Variants in DLEC1 observed in about 807,000 individuals in gnomAD.
The protein encoded by DLEC1 is deleted in lung and esophageal cancer protein 1.
A neutral mutation model predicts 198.1 loss-of-function variants in DLEC1; 146 were observed. The observed-to-expected ratio is 0.74, with a 90% CI of 0.64 to 0.85. The LOEUF is 0.85. Ranked by LOEUF, DLEC1 falls within the 40% of genes least tolerant of loss-of-function variation. The pLI, the probability that DLEC1 is intolerant of heterozygous loss-of-function variation, is 0.00. For synonymous variants in DLEC1, 897 were observed against 866.8 expected (o/e 1.03, Z -0.61); for missense variants, 2,233 against 2,220.0 (o/e 1.01, Z -0.12).
In DLEC1 at chr3:38,121,623, C is replaced by T. The variant is rs1368391932; in HGVS notation, c.4867-5C>T. The T allele has an allele frequency of 1.9e-6, 3 of 1,612,508 alleles. No individual in the cohort carries two copies. The highest frequency in any genetic ancestry group is 1.7e-5 in the Admixed American group (1 of 59,934). On this transcript the variant is annotated splice_polypyrimidine_tract_variant and splice_region_variant and intron_variant, in intron 34 of 36. Transcript: ENST00000308059. ...GAATGGACAAGGTTGCCTGGTCTCC[C>T]ACAGGTGGTGCCCCTGCGGGCTGTG...
intron 19 of DLEC1, among the ~76,000 whole-genome samples, chr3:38,100,733 C>T (rs1303691688): frequency 6.6e-6 from 1 of 152,190 alleles, no homozygotes; most frequent in Non-Finnish European, 1.5e-5. Flanking sequence ...TCTGAGTATA[C>T]TCCCAGGGAA....
chr3:38,120,529 A>G lies in DLEC1; in HGVS notation c.4786A>G (p.Ile1596Val), dbSNP rs1700393706. ...PADQTLPGVD[I>V]QQSASGEREM... ...TGACCAGACACTGCCTGGGGTGGAC[A>G]TTCAGCAGAGTGCGAGTGGAGAGAG... Residue 1596 changes from isoleucine (I) to valine (V), a missense_variant, in exon 34 of 37, where the codon ATT (isoleucine) becomes GTT (valine). Ile to Val is a conservative substitution (Grantham distance 29). Coordinates refer to ENST00000308059, the MANE Select transcript of DLEC1 (RefSeq NM_007335.4). The G allele has an allele frequency of 6.2e-7, 1 of 1,614,220 alleles. No homozygotes were observed. Among genetic ancestry groups the G allele is most frequent in the Non-Finnish European group, 8.5e-7 (1 of 1,180,020 alleles).
chr3:38,090,748 G>A (rs760652091), intron 10 of DLEC1, among the ~76,000 whole-genome samples: 1 of 152,174 alleles, frequency 6.6e-6, no homozygotes. Context: ...ATGTAAGGGT[G>A]TCTGTTTCTT....
intron 2 of DLEC1, among the ~76,000 whole-genome samples, chr3:38,051,319 C>T (rs933193064): frequency 5.3e-5 from 8 of 152,228 alleles, no homozygotes; most frequent in African/African-American, 1.2e-4. Flanking sequence ...GCGGCAGTGG[C>T]GCAGAGGCCT....
rs1170824943 is a variant in DLEC1 at position 38,117,849 on chromosome 3, A to G, written c.4529A>G (p.Asn1510Ser). The G allele has an allele frequency of 6.2e-6, 10 of 1,613,944 alleles. No homozygotes were observed. Among genetic ancestry groups the G allele is most frequent in the South Asian group, 1.1e-5 (1 of 91,084 alleles). ...ACCACCCACCACCTGAAGCTGACCA[A>G]CACTACAGAGATCCCACACTACTTC... ...LVTTHHLKLTNTTEIPHYFRL... is the reference protein window; with the variant it reads ...LVTTHHLKLTSTTEIPHYFRL... Residue 1510 changes from asparagine (N) to serine (S), a missense_variant, in exon 33 of 37, where the codon AAC becomes AGC. Transcript: ENST00000308059.
intron 3 of DLEC1, among the ~76,000 whole-genome samples, chr3:38,061,806 C>T (rs1696702358): frequency 6.6e-6 from 1 of 152,062 alleles, no homozygotes; most frequent in African/African-American, 2.4e-5. Context: ...CATCTGGGAC[C>T]ACAGGCATGC....
At chr3:38,083,845 G>T (rs1420924097) in intron 6 of DLEC1, among the ~76,000 whole-genome samples, 4 of 151,360 alleles carry the variant, frequency 2.6e-5, no homozygotes, top group African/African-American at 9.7e-5. Context: ...GTCCAGGCAG[G>T]TCTCAAACTT....
intron 32 of DLEC1, 80 bp from the exon 33 acceptor site, chr3:38,117,726 T>C (rs1700256554): frequency 4.9e-5 from 39 of 794,836 alleles, no homozygotes; most frequent in Non-Finnish European, 7.5e-5. Flanking sequence ...CCCCCAGCCC[T>C]CCCAGCCCTA....
At chr3:38,121,244 G>T (rs1339577633) in intron 34 of DLEC1, among the ~76,000 whole-genome samples, 2 of 152,234 alleles carry the variant, frequency 1.3e-5, no homozygotes, top group Admixed American at 6.5e-5. Context: ...GATAGAGGAG[G>T]GCACAGGTGG....
intron 2 of DLEC1, among the ~76,000 whole-genome samples, chr3:38,051,368 G>C (rs1205935517): frequency 1.3e-5 from 2 of 152,334 alleles, no homozygotes; most frequent in East Asian, 3.9e-4. Context: ...AACCCCACCT[G>C]TCCCTGCTGC....
rs550760413 is a variant in DLEC1, at chr3:38,122,663, C to T, written c.*251C>T. The stretch of plus-strand genomic sequence containing the variant: ...ATTGAGATCACTACTCAGTGCATAG[C>T]GAAGACCAGTATGGCAAAATTAGTC... On this transcript the variant is annotated 3_prime_UTR_variant, in exon 37 of 37. Transcript: ENST00000308059. 1,582 of 1,450,232 alleles carry T rather than the reference C, an allele frequency of 1.1e-3. 4 individuals carry two copies. The highest frequency in any genetic ancestry group is 2.6e-3 in the South Asian group (187 of 71,060). The allele number at this position is 1,450,232 out of a possible 1,614,324, so 89.8% of individuals were successfully genotyped here.
Position 38,122,335 on chromosome 3 carries a change from G to C in DLEC1, c.5191G>C (p.Gly1731Arg). 3 of 1,614,082 alleles carry C rather than the reference G, an allele frequency of 1.9e-6. No individual in the cohort carries two copies. The highest frequency in any genetic ancestry group is 2.5e-6 in the Non-Finnish European group (3 of 1,180,006). The stretch of plus-strand genomic sequence containing the variant: ...CACGATGGTGGTGGAAGGTGTGCTC[G>C]GTGAGAAGTCCTGCACCCTGCGGCT... ...ESTMVVEGVL[G>R]EKSCTLRLRG... Residue 1731 changes from glycine to arginine, a missense_variant, in exon 37 of 37, where the codon GGT (glycine) becomes CGT (arginine). Transcript: ENST00000308059.
At chr3:38,094,842 GAA>G in intron 12 of DLEC1, 35 bp from the exon 13 acceptor site, 1 of 1,604,416 alleles carries the variant, frequency 6.2e-7, no homozygotes, top group Non-Finnish European at 8.5e-7. Context: ...GGTCCCAGCA[GAA>G]CTGGGACATG....
chr3:38,069,695 A>G (rs987043585), intron 6 of DLEC1, among the ~76,000 whole-genome samples: 1 of 152,200 alleles, frequency 6.6e-6, no homozygotes, highest in South Asian at 2.1e-4. Flanking sequence ...CACAGCTACC[A>G]TGTTTCACTC....
rs1700189943 is a variant in DLEC1 at position 38,116,760 on chromosome 3, T to C, written c.4063-13T>C. The stretch of plus-strand genomic sequence containing the variant: ...CAGTGACTGCGTGAACCTCAGTGAT[T>C]CCTTGGTGACAGGTTGAGGGCAGCT... On this transcript the variant is annotated splice_polypyrimidine_tract_variant and intron_variant, in intron 28 of 36. Coordinates refer to ENST00000308059, the MANE Select transcript of DLEC1 (RefSeq NM_007335.4). The C allele has an allele frequency of 1.9e-6, 3 of 1,609,612 alleles. No homozygotes were observed. The East Asian group carries it at 6.7e-5, about 36-fold the overall frequency.
chr3:38,044,066 T>G (rs955999359), intron 1 of DLEC1, among the ~76,000 whole-genome samples: 1 of 151,924 alleles, frequency 6.6e-6, no homozygotes, highest in Non-Finnish European at 1.5e-5. Flanking sequence ...TCCAGGAGTT[T>G]GAGACCCCAT....
At chr3:38,066,968 A>G (rs1697061840) in intron 6 of DLEC1, among the ~76,000 whole-genome samples, 1 of 152,204 alleles carries the variant, frequency 6.6e-6, no homozygotes, top group African/African-American at 2.4e-5. Flanking sequence ...AGCTAAAATC[A>G]TGTCAGTTAG....
rs199735223 is a variant in DLEC1, at chr3:38,043,954, CTG to C, written c.412-1587_412-1586del. Among the ~76,000 whole-genome samples, 502 of 143,626 alleles carry C rather than the reference CTG, an allele frequency of 3.5e-3. 2 individuals carry two copies. Among genetic ancestry groups the C allele is most frequent in the African/African-American group, 0.012 (478 of 41,062 alleles). 94.2% of individuals were successfully genotyped at this position (143,626 alleles called of 152,430 possible). On this transcript the variant is annotated intron_variant, in intron 1 of 36. Transcript: ENST00000308059. Reference sequence around the variant, plus strand: ...AAGGAACACTGTCTTCCTACATAAACTGTTTTTTTTTTTCTTTAAAAGAAATG... The same window carrying C: ...AAGGAACACTGTCTTCCTACATAAACTTTTTTTTTTTCTTTAAAAGAAATG...
In DLEC1 at chr3:38,086,255, G is replaced by T. The variant is rs1046010706; in HGVS notation, c.1450G>T (p.Asp484Tyr). The stretch of plus-strand genomic sequence containing the variant: ...TGTGGCTACAGTGTCACCGGTGTTG[G>T]ACTGTGGTTACTGCCTCATTGGGGG... ...PPVLTLSPVL[D>Y]CGYCLIGGVK... The change falls in exon 9 of 37, where the codon GAC becomes TAC. Residue 484 changes from aspartate to tyrosine, a missense_variant. Physicochemically the swap from Asp to Tyr is radical, Grantham distance 160 (BLOSUM62 -3). Coordinates refer to ENST00000308059, the MANE Select transcript of DLEC1 (RefSeq NM_007335.4). 1.2e-6 allele frequency: 2 copies of T among 1,612,136 alleles called. No individual in the cohort carries two copies. The highest frequency in any genetic ancestry group is 1.1e-5 in the South Asian group (1 of 90,660).
Sources: gnomAD v4.1 joint callset for allele counts (sites outside exome capture counted in the v4.1 genomes callset) on GRCh38, gnomAD v4.1.1 for gene constraint, MANE v1.5 for transcripts, NCBI Gene and HGNC (gene_info 2026-07-23, HGNC 2026-07-21) for gene names.